The following HELLS variants were observed in gnomAD, a reference collection of about 807,000 sequenced individuals.
HELLS encodes lymphoid-specific helicase.
In HELLS, 32 loss-of-function variants were observed where a neutral mutation model predicts 120.0. The observed-to-expected ratio is 0.27, with a 90% CI of 0.20 to 0.36. HELLS has a LOEUF of 0.36. Ranked by LOEUF, HELLS falls within the 10% of genes least tolerant of loss-of-function variation. The pLI, the probability that HELLS is intolerant of heterozygous loss-of-function variation, is 1.00. For synonymous variants in HELLS, 341 were observed against 323.4 expected (o/e 1.05, Z -0.58); for missense variants, 650 against 993.4 (o/e 0.65, Z 4.65).
At chr10:94,562,444 G>A (rs1386951843) in intron 4 of HELLS, among the ~76,000 whole-genome samples, 1 of 152,074 alleles carries the variant, frequency 6.6e-6, no homozygotes, top group Non-Finnish European at 1.5e-5. Flanking sequence ...GTTTAATTTT[G>A]AAATTTCTCT....
At chr10:94,546,981 C>T (rs1842779211) in intron 2 of HELLS, among the ~76,000 whole-genome samples, 1 of 152,278 alleles carries the variant, frequency 6.6e-6, no homozygotes, top group Non-Finnish European at 1.5e-5. Flanking sequence ...TGTTTTCCAC[C>T]TAAGTGATCA....
chr10:94,554,767 C>G (rs1843168731), intron 3 of HELLS, among the ~76,000 whole-genome samples: 1 of 151,564 alleles, frequency 6.6e-6, no homozygotes, highest in Admixed American at 6.6e-5. Context: ...TTAGCCTCAC[C>G]CTCAACTTTG....
Position 94,565,440 on chromosome 10 carries a change from G to A in HELLS, c.435+2564G>A, listed in dbSNP as rs149222094. ...GTGGTGGCTCATACCTGTAAACCCC[G>A]GCGCTTTGGGAGGCCAAGGTGGGAG... On this transcript the variant is annotated intron_variant, in intron 6 of 21. Coordinates refer to ENST00000348459, the MANE Select transcript of HELLS (RefSeq NM_018063.5). Among the ~76,000 whole-genome samples, 490 of 152,270 alleles carry A rather than the reference G, an allele frequency of 3.2e-3. 2 individuals carry two copies. Among genetic ancestry groups the A allele is most frequent in the African/African-American group, 0.011 (472 of 41,560 alleles).
intron 9 of HELLS, among the ~76,000 whole-genome samples, chr10:94,575,576 CA>C (rs1251238219): frequency 1.3e-5 from 2 of 151,986 alleles, no homozygotes; most frequent in Non-Finnish European, 2.9e-5. Context: ...GCGCACACCA[CA>C]AGGCCAGGCT....
chr10:94,546,347 C>G (rs199551129), intron 1 of HELLS, 30 bp from the exon 2 acceptor site: 23 of 1,613,580 alleles, frequency 1.4e-5, no homozygotes, highest in Non-Finnish European at 1.7e-6. Context: ...TTTTTTAAAA[C>G]TGCAATTTGA....
intron 3 of HELLS, among the ~76,000 whole-genome samples, chr10:94,556,054 G>A (rs907171770): frequency 6.6e-6 from 1 of 152,182 alleles, no homozygotes; most frequent in African/African-American, 2.4e-5. Flanking sequence ...TCAGTAAGAA[G>A]CACAGGTAAG....
chr10:94,547,836 C>T (rs1386786246), intron 2 of HELLS, among the ~76,000 whole-genome samples: 2 of 152,166 alleles, frequency 1.3e-5, no homozygotes, highest in Admixed American at 1.3e-4. Context: ...CATTTTTTAA[C>T]TACCATGCTA....
At chr10:94,594,960 T>G (rs922287398) in intron 19 of HELLS, 106 bp downstream of exon 19, 22 of 827,632 alleles carry the variant, frequency 2.7e-5, no homozygotes, top group Non-Finnish European at 4.1e-5. Context: ...CCGAGTTCTG[T>G]GTCTCACACC....
intron 9 of HELLS, among the ~76,000 whole-genome samples, chr10:94,609,444 A>G (rs1328878022): frequency 6.6e-6 from 1 of 152,234 alleles, no homozygotes; most frequent in East Asian, 1.9e-4. Context: ...TTAATTCTGC[A>G]TAGCAAAAAC....
intron 6 of HELLS, chr10:94,569,851 G>C (rs1482977801): frequency 6.6e-6 from 1 of 152,100 alleles, no homozygotes; most frequent in African/African-American, 2.4e-5. Flanking sequence ...TTTAGATCTA[G>C]AGTGTCTCTC....
At chr10:94,586,960 G>C (rs1189409287) in intron 12 of HELLS, among the ~76,000 whole-genome samples, 1 of 152,074 alleles carries the variant, frequency 6.6e-6, no homozygotes, top group Non-Finnish European at 1.5e-5. Context: ...TTCCCAAACT[G>C]CTGGGATTAC....
chr10:94,585,828 C>T (rs986441046), intron 12 of HELLS, among the ~76,000 whole-genome samples: 1 of 152,082 alleles, frequency 6.6e-6, no homozygotes, highest in Non-Finnish European at 1.5e-5. Context: ...CTGCCTCAGC[C>T]TTCTGAGTTG....
intron 7 of HELLS, among the ~76,000 whole-genome samples, chr10:94,572,647 A>T (rs1844235149): frequency 6.6e-6 from 1 of 152,234 alleles, no homozygotes; most frequent in Admixed American, 6.5e-5. Flanking sequence ...TAATTTGCAC[A>T]CAAGTCCATG....
intron 9 of HELLS, 84 bp from the exon 10 acceptor site, chr10:94,576,578 C>T (rs1844496376): frequency 5.9e-6 from 4 of 674,700 alleles, no homozygotes; most frequent in East Asian, 6.4e-5. Context: ...ATATTTTTTC[C>T]CTCAGAATGA....
chr10:94,557,031 C>A (rs1418036623), intron 3 of HELLS: 1 of 175,774 alleles, frequency 5.7e-6, no homozygotes, highest in African/African-American at 2.4e-5. Flanking sequence ...CAAGCCCTGA[C>A]TTAAATGGTT....
At chr10:94,602,661 T>G (rs1018289211), downstream of HELLS, among the ~76,000 whole-genome samples, 2 of 152,210 alleles carry the variant, frequency 1.3e-5, no homozygotes, top group African/African-American at 4.8e-5. Flanking sequence ...AACTTAATTT[T>G]TTTTCCCTGT....
chr10:94,545,844 C>G lies in HELLS; in HGVS notation c.-78C>G. The G allele has an allele frequency of 6.8e-7, 1 of 1,472,410 alleles. No homozygotes were observed. The highest frequency in any genetic ancestry group is 9.3e-7 in the Non-Finnish European group (1 of 1,074,596). 91.2% of individuals were successfully genotyped at this position (1,472,410 alleles called of 1,614,324 possible). ...GGATTTGGCTAGAAGGCTGGGCCGG[C>G]AGCGGTTGTGAGGAGTTAGCTCGCG... is the stretch of plus-strand genomic sequence containing the variant. On this transcript the variant is annotated 5_prime_UTR_variant, in exon 1 of 22. Transcript: ENST00000348459.
rs1387262665 is a variant in HELLS at position 94,596,824 on chromosome 10, G to C, written c.2249-36G>C. The C allele has an allele frequency of 3.7e-6, 4 of 1,082,710 alleles. No individual in the cohort carries two copies. In the African/African-American group the frequency reaches 6.3e-5, roughly 17 times the overall value. The allele number at this position is 1,082,710 out of a possible 1,614,324, so 67.1% of individuals were successfully genotyped here. ...AATATGTTGTATTGTAGTTTTAAAA[G>C]GAATTTTAATGTTTTTAATTTCTCA... On this transcript the variant is annotated intron_variant, in intron 19 of 21. Coordinates refer to ENST00000348459, the MANE Select transcript of HELLS (RefSeq NM_018063.5).
At chr10:94,552,019 G>A (rs1013188927) in intron 2 of HELLS, among the ~76,000 whole-genome samples, 2 of 152,192 alleles carry the variant, frequency 1.3e-5, no homozygotes, top group Non-Finnish European at 2.9e-5. Context: ...GATTACAGGC[G>A]TGAGCCACCG....
Sources: gnomAD v4.1 joint callset for allele counts (sites outside exome capture counted in the v4.1 genomes callset) on GRCh38, gnomAD v4.1.1 for gene constraint, MANE v1.5 for transcripts, NCBI Gene and HGNC (gene_info 2026-07-23, HGNC 2026-07-21) for gene names.